The following CR1L variants were observed in gnomAD, a reference collection of about 807,000 sequenced individuals.
CR1L encodes complement component receptor 1-like protein.
In CR1L, 59 loss-of-function variants were observed where a neutral mutation model predicts 62.3. The ratio of observed to expected loss-of-function variants is 0.95; its 90% CI spans 0.77 to 1.18. CR1L has a LOEUF of 1.18. CR1L is among the 50% of genes most tolerant of loss of function. The probability of loss-of-function intolerance (pLI) is 0.00; values close to 1 mark genes in which losing one functional copy is unlikely to be tolerated. For synonymous variants in CR1L, 279 were observed against 248.7 expected (o/e 1.12, Z -1.15); for missense variants, 700 against 702.8 (o/e 1.00, Z 0.04).
chr1:207,693,235 A>G (rs528653513), intron 4 of CR1L, among the ~76,000 whole-genome samples: 3 of 152,284 alleles, frequency 2.0e-5, no homozygotes, highest in South Asian at 2.1e-4. Context: ...TTCCCACCTC[A>G]GCCACCTCGG....
In CR1L at chr1:207,717,515, C is replaced by T. The variant is rs774250991; in HGVS notation, c.1466C>T (p.Thr489Ile). The change falls in exon 11 of 12, where the codon ACT (threonine) becomes ATT (isoleucine). Residue 489 changes from threonine (T) to isoleucine (I), a missense_variant. Physicochemically the swap from Thr to Ile is moderately conservative, Grantham distance 89. Transcript: ENST00000508064. ...PAILNGRHTG[T>I]PLGDIPYGKE... is the part of the protein sequence containing the mutation. ...ATCCTTAATGGGAGACACACAGGAA[C>T]TCCCCTTGGAGATATTCCCTATGGA... 25 of 1,613,654 alleles carry T rather than the reference C, an allele frequency of 1.5e-5. No homozygotes were observed. Among genetic ancestry groups the T allele is most frequent in the African/African-American group, 6.7e-5 (5 of 74,926 alleles).
intron 9 of CR1L, chr1:207,701,830 G>T (rs4844614): frequency 0.28 from 216,093 of 763,328 alleles, 32,538 homozygotes; most frequent in Admixed American, 0.46. Flanking sequence ...CACACATAAA[G>T]AGTATGCCGT....
At chr1:207,710,794 C>G in intron 10 of CR1L, 1 of 1,581,624 alleles carries the variant, frequency 6.3e-7, no homozygotes. Context: ...GGTGTGTTTG[C>G]CTGAGGCCTA....
intron 10 of CR1L, among the ~76,000 whole-genome samples, chr1:207,712,058 T>C (rs1258115231): frequency 6.6e-6 from 1 of 152,240 alleles, no homozygotes; most frequent in Middle Eastern, 3.2e-3. Context: ...GGGCAATGCC[T>C]TTCTAAAAGA....
At chr1:207,692,892 T>C (rs1664018408) in intron 4 of CR1L, among the ~76,000 whole-genome samples, 1 of 152,206 alleles carries the variant, frequency 6.6e-6, no homozygotes, top group Non-Finnish European at 1.5e-5. Flanking sequence ...ATGAGCTCTT[T>C]CTGGTGTGTT....
intron 10 of CR1L, among the ~76,000 whole-genome samples, chr1:207,713,826 G>T (rs1216146809): frequency 6.6e-6 from 1 of 152,250 alleles, no homozygotes; most frequent in Non-Finnish European, 1.5e-5. Flanking sequence ...CAGCCCAACA[G>T]ATGGCGGTGT....
At chr1:207,712,457 G>A (rs755874688) in intron 10 of CR1L, among the ~76,000 whole-genome samples, 3 of 152,222 alleles carry the variant, frequency 2.0e-5, no homozygotes, top group African/African-American at 7.2e-5. Flanking sequence ...GAGGCCTTCA[G>A]CAGGCATAGG....
Position 207,712,070 on chromosome 1 carries a change from C to T in CR1L, c.1414+3807C>T, listed in dbSNP as rs950198695. On this transcript the variant is annotated intron_variant, in intron 10 of 11. Coordinates refer to ENST00000508064, the MANE Select transcript of CR1L (RefSeq NM_175710.2). The stretch of plus-strand genomic sequence containing the variant: ...AAAGGGCAATGCCTTTCTAAAAGAT[C>T]GCTGTCTAGCACCACTGGCTCATCC... Among the ~76,000 whole-genome samples, 16 of 152,194 alleles carry T rather than the reference C, an allele frequency of 1.1e-4. No homozygotes were observed. In the South Asian group the frequency reaches 1.2e-3, roughly 12 times the overall value.
At chr1:207,685,316 C>T (rs75758158) in intron 4 of CR1L, among the ~76,000 whole-genome samples, 3 of 152,128 alleles carry the variant, frequency 2.0e-5, no homozygotes, top group Non-Finnish European at 2.9e-5. Flanking sequence ...GTCTCCCATC[C>T]GTTGGTGCTG....
chr1:207,673,248 T>C (rs1171332214), intron 1 of CR1L, among the ~76,000 whole-genome samples: 1 of 152,220 alleles, frequency 6.6e-6, no homozygotes, highest in Non-Finnish European at 1.5e-5. Context: ...GTGATCATGA[T>C]TAACAGAGCA....
chr1:207,672,423 A>G (rs1392333607), intron 1 of CR1L, among the ~76,000 whole-genome samples: 1 of 143,712 alleles, frequency 7.0e-6, no homozygotes, highest in African/African-American at 3.0e-5. Context: ...TGAATGCACT[A>G]TCATAGTTGG....
chr1:207,655,158 AC>A, intron 1 of CR1L: 1 of 524,278 alleles, frequency 1.9e-6, no homozygotes, highest in Non-Finnish European at 3.6e-6. Context: ...TAATTGCTAT[AC>A]AAAACAGTAA....
intron 10 of CR1L, chr1:207,715,224 G>A (rs992263612): frequency 4.0e-6 from 3 of 741,950 alleles, no homozygotes; most frequent in African/African-American, 3.5e-5. Context: ...GGAAATGGTA[G>A]TGAGGAAGCT....
intron 3 of CR1L, among the ~76,000 whole-genome samples, chr1:207,679,743 A>G (rs1188142782): frequency 1.3e-5 from 2 of 152,222 alleles, no homozygotes; most frequent in African/African-American, 2.4e-5. Context: ...CATGCATACA[A>G]TAGAATATTA....
intron 11 of CR1L, 143 bp from the exon 12 acceptor site, chr1:207,723,475 T>G (rs1221835994): frequency 1.2e-5 from 8 of 663,706 alleles, no homozygotes; most frequent in Non-Finnish European, 2.0e-5. Context: ...TGAGAGTATA[T>G]GAGTGAAATC....
chr1:207,710,508 T>A, intron 10 of CR1L: 1 of 1,608,284 alleles, frequency 6.2e-7, no homozygotes, highest in Non-Finnish European at 8.5e-7. Flanking sequence ...AGAAAGGTGT[T>A]TGAGCTCGTG....
At chr1:207,654,639 T>C (rs913336401) in intron 1 of CR1L, among the ~76,000 whole-genome samples, 1 of 152,204 alleles carries the variant, frequency 6.6e-6, no homozygotes, top group Non-Finnish European at 1.5e-5. Flanking sequence ...ATAATATTAA[T>C]AGGAGCTAAA....
chr1:207,669,134 G>T (rs11589830), intron 1 of CR1L: 13,385 of 262,578 alleles, frequency 0.051, 550 homozygotes, highest in South Asian at 0.12. Flanking sequence ...CCTTTGTCTG[G>T]AAGGAAGCGC....
chr1:207,680,245 A>T (rs1482273447), intron 3 of CR1L, among the ~76,000 whole-genome samples: 2 of 152,244 alleles, frequency 1.3e-5, no homozygotes, highest in African/African-American at 4.8e-5. Context: ...TCTTCTGTTC[A>T]TTATTGCTGT....
Sources: gnomAD v4.1 joint callset for allele counts (sites outside exome capture counted in the v4.1 genomes callset) on GRCh38, gnomAD v4.1.1 for gene constraint, MANE v1.5 for transcripts, NCBI Gene and HGNC (gene_info 2026-07-23, HGNC 2026-07-21) for gene names.